The following FHIP1A variants were observed in gnomAD, a reference collection of about 807,000 sequenced individuals.
FHIP1A encodes the protein FHF complex subunit HOOK interacting protein 1A.
FHIP1A carries 61 observed loss-of-function variants against 88.6 expected under a neutral mutation model. The ratio of observed to expected loss-of-function variants is 0.69; its 90% CI spans 0.56 to 0.85. FHIP1A has a LOEUF of 0.85. Ranked by LOEUF, FHIP1A falls within the 40% of genes least tolerant of loss-of-function variation. The pLI, the probability that FHIP1A is intolerant of heterozygous loss-of-function variation, is 0.00. For synonymous variants in FHIP1A, 478 were observed against 496.0 expected (o/e 0.96, Z 0.48); for missense variants, 1,154 against 1,273.5 (o/e 0.91, Z 1.43).
intron 2 of FHIP1A, among the ~76,000 whole-genome samples, chr4:151,475,957 G>T (rs1729684519): frequency 6.6e-6 from 1 of 151,174 alleles, no homozygotes; most frequent in Non-Finnish European, 1.5e-5. Flanking sequence ...CGCCTCCCGT[G>T]TTCAAGCAAT....
intron 3 of FHIP1A, among the ~76,000 whole-genome samples, chr4:151,554,477 C>T (rs1440234701): frequency 6.6e-6 from 1 of 152,146 alleles, no homozygotes; most frequent in Admixed American, 6.5e-5. Flanking sequence ...GCAGAAACTA[C>T]ATCACCATAG....
At chr4:151,550,028 G>T (rs1732664339) in intron 3 of FHIP1A, among the ~76,000 whole-genome samples, 1 of 152,056 alleles carries the variant, frequency 6.6e-6, no homozygotes, top group East Asian at 1.9e-4. Context: ...TGAGTGACAG[G>T]ATGATTTTTC....
intron 9 of FHIP1A, among the ~76,000 whole-genome samples, chr4:151,643,025 A>G (rs1472438677): frequency 6.6e-6 from 1 of 151,602 alleles, no homozygotes; most frequent in African/African-American, 2.4e-5. Context: ...GTCTCTGATT[A>G]TTTTTATAGT....
At chr4:151,579,090 T>C (rs779160587) in intron 5 of FHIP1A, among the ~76,000 whole-genome samples, 17 of 152,090 alleles carry the variant, frequency 1.1e-4, no homozygotes, top group Admixed American at 4.6e-4. Context: ...CCCCTGAGCA[T>C]TGGGGCAGGG....
At chr4:151,439,353 A>G (rs181088942) in intron 1 of FHIP1A, among the ~76,000 whole-genome samples, 38 of 152,192 alleles carry the variant, frequency 2.5e-4, no homozygotes, top group South Asian at 4.1e-4. Flanking sequence ...TAAGTGCTAT[A>G]TAAGTGTTTG....
At chr4:151,564,506 A>G (rs905571206) in intron 3 of FHIP1A, among the ~76,000 whole-genome samples, 1 of 152,130 alleles carries the variant, frequency 6.6e-6, no homozygotes, top group Non-Finnish European at 1.5e-5. Flanking sequence ...GACTGTGGGG[A>G]CGGGAGAATG....
intron 2 of FHIP1A, among the ~76,000 whole-genome samples, chr4:151,479,496 A>G (rs1729822323): frequency 6.6e-6 from 1 of 152,094 alleles, no homozygotes; most frequent in Non-Finnish European, 1.5e-5. Context: ...CCTTTTTGAG[A>G]ATGAAATTAT....
At chr4:151,411,820 T>C (rs1258179390) in intron 1 of FHIP1A, among the ~76,000 whole-genome samples, 1 of 152,194 alleles carries the variant, frequency 6.6e-6, no homozygotes, top group East Asian at 1.9e-4. Context: ...GATTCTGCCA[T>C]TGAAACACAA....
At chr4:151,600,477 G>A (rs911852669) in intron 7 of FHIP1A, among the ~76,000 whole-genome samples, 1 of 152,200 alleles carries the variant, frequency 6.6e-6, no homozygotes, top group Non-Finnish European at 1.5e-5. Flanking sequence ...TGGGTAGTGA[G>A]GGGAGCTTAG....
rs548500243 is a variant in FHIP1A at position 151,565,998 on chromosome 4, T to C, written c.-122-140T>C. On this transcript the variant is annotated intron_variant, in intron 3 of 13. Transcript: ENST00000435205. ...AGGAGAAAACAGGAGAGCCTTTAGA[T>C]TGAGTATAATATCTGTTTTGTAGAT... 1.6e-4 allele frequency: 41 copies of C among 249,036 alleles called. No homozygotes were observed. In the South Asian group the frequency reaches 2.7e-3, roughly 16 times the overall value. The allele number at this position is 249,036 out of a possible 1,614,324, so 15.4% of individuals were successfully genotyped here. A position where few individuals can be genotyped will look rare whatever the true frequency, so the allele number is the denominator to read the frequency against.
chr4:151,429,572 T>G (rs1478726673), intron 1 of FHIP1A, among the ~76,000 whole-genome samples: 1 of 152,208 alleles, frequency 6.6e-6, no homozygotes, highest in South Asian at 2.1e-4. Flanking sequence ...AAAAATAATA[T>G]CCACGGTGGC....
chr4:151,468,078 A>T (rs1729386543), intron 2 of FHIP1A, among the ~76,000 whole-genome samples: 2 of 151,386 alleles, frequency 1.3e-5, no homozygotes, highest in South Asian at 4.2e-4. Context: ...AGGTCAGGAG[A>T]TTGAGACCGT....
At chr4:151,563,807 T>C (rs1283220199) in intron 3 of FHIP1A, among the ~76,000 whole-genome samples, 1 of 151,844 alleles carries the variant, frequency 6.6e-6, no homozygotes, top group Non-Finnish European at 1.5e-5. Context: ...CTGGGCAACA[T>C]AGGGAGACCC....
intron 5 of FHIP1A, among the ~76,000 whole-genome samples, chr4:151,583,054 A>G (rs1250458685): frequency 6.6e-6 from 1 of 152,112 alleles, no homozygotes; most frequent in Non-Finnish European, 1.5e-5. Context: ...CGTCTTCTCC[A>G]TCTTTCCTGG....
chr4:151,529,991 C>G (rs1251350276), intron 3 of FHIP1A, among the ~76,000 whole-genome samples: 1 of 152,116 alleles, frequency 6.6e-6, no homozygotes, highest in Non-Finnish European at 1.5e-5. Context: ...ACTGTTTTCC[C>G]TAGTGTCACA....
chr4:151,596,782 A>G (rs1022472919), intron 7 of FHIP1A, among the ~76,000 whole-genome samples: 1 of 151,872 alleles, frequency 6.6e-6, no homozygotes, highest in Non-Finnish European at 1.5e-5. Flanking sequence ...TTGATCTTCA[A>G]TCTCTGATAT....
In FHIP1A at chr4:151,649,479, C is replaced by T; in HGVS notation, c.1438C>T (p.Pro480Ser). 6.5e-7 allele frequency: 1 copy of T among 1,549,950 alleles called. No homozygotes were observed. Among genetic ancestry groups the T allele is most frequent in the African/African-American group, 1.4e-5 (1 of 73,172 alleles). Reference sequence around the variant, plus strand: ...TGCAGGGCCTGTGGAGCGGCCATTCCCCGAAGCGTTCTCCGAGTCAGCCTG... The same window carrying T: ...TGCAGGGCCTGTGGAGCGGCCATTCTCCGAAGCGTTCTCCGAGTCAGCCTG... ...DTSGPVERPF[P>S]EAFSESACIV... The change falls in exon 11 of 14, where the codon CCC becomes TCC. Residue 480 changes from proline to serine, a missense_variant. Physicochemically the swap from Pro to Ser is moderately conservative, Grantham distance 74 (BLOSUM62 -1). Transcript: ENST00000435205.
Position 151,638,724 on chromosome 4 carries a change from T to C in FHIP1A, c.1194T>C (p.His398=), listed in dbSNP as rs961974566. 1.0e-5 allele frequency: 16 copies of C among 1,550,298 alleles called. No homozygotes were observed. In the African/African-American group the frequency reaches 1.8e-4, roughly 17 times the overall value. The change falls in exon 9 of 14, where the codon CAT becomes CAC. Residue 398 remains histidine, a synonymous_variant. Transcript: ENST00000435205. The stretch of plus-strand genomic sequence containing the variant: ...TATTCAGAACTCTCATTGGTTTACA[T>C]TGTGAAGATGTGATGTTACAGCTAG... ...LALFRTLIGL[H]CEDVMLQLVL... is the part of the protein sequence containing the mutation.
chr4:151,479,186 A>G (rs1729812303), intron 2 of FHIP1A, among the ~76,000 whole-genome samples: 1 of 152,042 alleles, frequency 6.6e-6, no homozygotes, highest in African/African-American at 2.4e-5. Context: ...TGTGAGCTTA[A>G]TATGGAGAAG....
Sources: allele counts gnomAD v4.1 joint callset (sites outside exome capture counted in the v4.1 genomes callset), GRCh38; gene constraint gnomAD v4.1.1; transcripts MANE v1.5; gene names NCBI Gene and HGNC (gene_info 2026-07-23, HGNC 2026-07-21).